The following NRG2 variants were observed in gnomAD, a reference collection of about 807,000 sequenced individuals.
NRG2 encodes neuregulin 2.
In NRG2, 27 loss-of-function variants were observed where a neutral mutation model predicts 73.9. That is an observed-to-expected ratio of 0.37 (90% CI 0.27 to 0.50). NRG2 has a LOEUF of 0.50. Among genes scored for constraint, NRG2 ranks in the 20% least tolerant of loss-of-function variants. The pLI is 0.96. For missense variants in NRG2, 1,126 were observed against 1,210.1 expected (o/e 0.93, Z 1.03); for synonymous variants, 532 against 541.0 (o/e 0.98, Z 0.23).
intron 9 of NRG2, among the ~76,000 whole-genome samples, chr5:139,850,412 T>C (rs1761342813): frequency 6.6e-6 from 1 of 152,210 alleles, no homozygotes; most frequent in South Asian, 2.1e-4. Flanking sequence ...TGTGGTGTCA[T>C]GTTTAGCACC....
At chr5:139,916,177 AG>A (rs1751240358) in intron 1 of NRG2, among the ~76,000 whole-genome samples, 1 of 152,178 alleles carries the variant, frequency 6.6e-6, no homozygotes, top group Non-Finnish European at 1.5e-5. Context: ...TACAAATGCA[AG>A]TACCGATCCC....
chr5:140,042,610 C>A lies in NRG2; in HGVS notation c.460G>T (p.Ala154Ser). The change falls in exon 1 of 10, where the codon GCC becomes TCC. Residue 154 changes from alanine (A) to serine (S), a missense_variant. Physicochemically the swap from Ala to Ser is moderately conservative, Grantham distance 99. Coordinates refer to ENST00000361474, the MANE Select transcript of NRG2 (RefSeq NM_004883.3). ...SSSNSTREPP[A>S]SGRVALVKVL... ...TTTACCAACGCCACCCGACCCGAGGCGGGCGGCTCTCGGGTGCTGTTGGAG... is the reference window on the plus strand; with the variant it reads ...TTTACCAACGCCACCCGACCCGAGGAGGGCGGCTCTCGGGTGCTGTTGGAG... The A allele has an allele frequency of 6.2e-7, 1 of 1,610,834 alleles. No individual in the cohort carries two copies. The highest frequency in any genetic ancestry group is 8.5e-7 in the Non-Finnish European group (1 of 1,179,190).
chr5:139,960,975 G>C (rs559274123), intron 1 of NRG2, among the ~76,000 whole-genome samples: 6 of 152,160 alleles, frequency 3.9e-5, no homozygotes, highest in Admixed American at 3.3e-4. Context: ...GGCTCGTTGG[G>C]GCCTTCATTT....
rs1282000456 is a variant in NRG2 at position 139,908,987 on chromosome 5, C to T, written c.701-21476G>A. Among the ~76,000 whole-genome samples, 4 of 152,352 alleles carry T rather than the reference C, an allele frequency of 2.6e-5. No homozygotes were observed. In the East Asian group the frequency reaches 5.8e-4, roughly 22 times the overall value. On this transcript the variant is annotated intron_variant, in intron 1 of 9. Transcript: ENST00000361474. Reference sequence around the variant, plus strand: ...TGACCCTGTGAGCCAGGCCTGTTGCCATGGGAACTCTTTCCTCTTACCACA... The same window carrying T: ...TGACCCTGTGAGCCAGGCCTGTTGCTATGGGAACTCTTTCCTCTTACCACA...
chr5:140,039,271 T>G (rs1761736144), intron 1 of NRG2, among the ~76,000 whole-genome samples: 1 of 152,220 alleles, frequency 6.6e-6, no homozygotes, highest in Admixed American at 6.5e-5. Context: ...TCTTTTAAAA[T>G]GCAGGACTAT....
chr5:139,907,187 G>A (rs529031668), intron 1 of NRG2, among the ~76,000 whole-genome samples: 1 of 152,212 alleles, frequency 6.6e-6, no homozygotes, highest in Non-Finnish European at 1.5e-5. Flanking sequence ...GCCTGGAGAG[G>A]AGGCAGGCAG....
rs1163294814 is a variant in NRG2, at chr5:139,894,221, CA to C, written c.701-6711del. Among the ~76,000 whole-genome samples the C allele has an allele frequency of 6.6e-6, 1 of 152,202 alleles. No homozygotes were observed. Among genetic ancestry groups the C allele is most frequent in the Non-Finnish European group, 1.5e-5 (1 of 68,030 alleles). ...TGCCTCCCTCCCGGCACCCAGCGGG[CA>C]GGGGCAGCAGGCTCTTAAAAGGGTT... On this transcript the variant is annotated intron_variant, in intron 1 of 9. Coordinates refer to ENST00000361474, the MANE Select transcript of NRG2 (RefSeq NM_004883.3). This position sits in a 1 kb window ranked among gnomAD's most constrained non-coding sequence, Gnocchi z 5.0.
At chr5:139,987,367 C>CAAA (rs34895532) in intron 1 of NRG2, among the ~76,000 whole-genome samples, 336 of 33,176 alleles carry the variant, frequency 0.01, 6 homozygotes, top group Admixed American at 0.014. Context: ...GACTCTGTCT[C>CAAA]AAAAAAAAAA....
chr5:139,958,013 C>A (rs1754766398), intron 1 of NRG2, among the ~76,000 whole-genome samples: 1 of 152,088 alleles, frequency 6.6e-6, no homozygotes, highest in South Asian at 2.1e-4. Context: ...GAACCAGTGA[C>A]TTCCCTGGAC....
At chr5:139,986,500 A>AG (rs1757183624) in intron 1 of NRG2, among the ~76,000 whole-genome samples, 1 of 152,332 alleles carries the variant, frequency 6.6e-6, no homozygotes, top group East Asian at 1.9e-4. Context: ...GACATAAATG[A>AG]GAACTATTTT....
intron 1 of NRG2, among the ~76,000 whole-genome samples, chr5:139,992,368 A>T (rs1757702287): frequency 6.6e-6 from 1 of 152,198 alleles, no homozygotes. Flanking sequence ...TATTACTGCT[A>T]ATAGTTTATC....
At chr5:140,023,710 G>A (rs1044056311) in intron 1 of NRG2, among the ~76,000 whole-genome samples, 1 of 152,164 alleles carries the variant, frequency 6.6e-6, no homozygotes, top group African/African-American at 2.4e-5. Flanking sequence ...GTCAGGAAGT[G>A]GAAAGAATGG....
At position 139,891,620 on chromosome 5, in the gene NRG2, T is replaced by C. The variant is rs1303213431; in HGVS notation, c.701-4109A>G. Among the ~76,000 whole-genome samples, 4 of 146,874 alleles carry C rather than the reference T, an allele frequency of 2.7e-5. No homozygotes were observed. In the East Asian group the frequency reaches 8.0e-4, roughly 29 times the overall value. ...ATAAACAAAACATCAACAGGAAATA[T>C]GAGACAGTTAAAAAAAAAAAGCAGC... On this transcript the variant is annotated intron_variant, in intron 1 of 9. Coordinates refer to ENST00000361474, the MANE Select transcript of NRG2 (RefSeq NM_004883.3).
intron 1 of NRG2, among the ~76,000 whole-genome samples, chr5:140,031,484 A>T (rs1169603208): frequency 1.3e-5 from 2 of 152,156 alleles, no homozygotes; most frequent in African/African-American, 4.8e-5. Flanking sequence ...TTTTAAAAAA[A>T]TTTTTATTTT....
chr5:140,006,640 G>A (rs534782862), intron 1 of NRG2, among the ~76,000 whole-genome samples: 5 of 152,290 alleles, frequency 3.3e-5, no homozygotes, highest in African/African-American at 4.8e-5. Flanking sequence ...ACGGTTTGCC[G>A]TGTATTAAGA....
chr5:139,873,181 A>C (rs1211752592), intron 3 of NRG2, among the ~76,000 whole-genome samples: 1 of 152,182 alleles, frequency 6.6e-6, no homozygotes, highest in East Asian at 1.9e-4. Context: ...TCCAGCGGGC[A>C]GGGCCGGCTT....
chr5:139,934,925 G>T (rs942508599), intron 1 of NRG2, among the ~76,000 whole-genome samples: 2 of 152,216 alleles, frequency 1.3e-5, no homozygotes, highest in Non-Finnish European at 2.9e-5. Context: ...AGCACTTTGG[G>T]AGGCTGAGCC....
intron 1 of NRG2, among the ~76,000 whole-genome samples, chr5:139,903,883 G>A (rs1765042980): frequency 6.6e-6 from 1 of 152,240 alleles, no homozygotes; most frequent in Non-Finnish European, 1.5e-5. Context: ...GCAAGCCCGA[G>A]GGCTCCGATC....
chr5:140,042,764 G>A lies in NRG2; in HGVS notation c.306C>T (p.Ser102=), dbSNP rs372577215. The part of the protein sequence containing the change: ...GMRRDPAPGF[S]MLLFGVSLAC... Reference sequence around the variant, plus strand: ...CGAGCGACACACCGAAGAGCAGCATGGAGAAGCCGGGGGCCGGGTCGCGCC... The same window carrying A: ...CGAGCGACACACCGAAGAGCAGCATAGAGAAGCCGGGGGCCGGGTCGCGCC... Residue 102 remains serine (S), a synonymous_variant, in exon 1 of 10, where the codon TCC becomes TCT. Transcript: ENST00000361474. 75 of 1,546,764 alleles carry A rather than the reference G, an allele frequency of 4.8e-5. 3 individuals are homozygous for A. The African/African-American group carries it at 6.9e-4, about 14-fold the overall frequency.
Sources: allele counts gnomAD v4.1 joint callset (sites outside exome capture counted in the v4.1 genomes callset), GRCh38; gene constraint gnomAD v4.1.1; non-coding constraint Gnocchi (gnomAD v3.1); transcripts MANE v1.5; gene names NCBI Gene and HGNC (gene_info 2026-07-23, HGNC 2026-07-21).